Variants in ST6GALNAC3 observed in about 807,000 individuals in gnomAD.
The protein encoded by ST6GALNAC3 is ST6 N-acetylgalactosaminide alpha-2,6-sialyltransferase 3.
A neutral mutation model predicts 32.7 loss-of-function variants in ST6GALNAC3; 25 were observed. The observed-to-expected ratio is 0.76, with a 90% CI of 0.56 to 1.07. The LOEUF is 1.07. Ranked by LOEUF, ST6GALNAC3 falls within the 50% of genes least tolerant of loss-of-function variation. ST6GALNAC3 has a pLI of 0.00. For synonymous variants in ST6GALNAC3, 129 were observed against 133.1 expected (o/e 0.97, Z 0.21); for missense variants, 355 against 382.4 (o/e 0.93, Z 0.60).
intron 3 of ST6GALNAC3, among the ~76,000 whole-genome samples, chr1:76,561,790 CA>C (rs1156901093): frequency 6.6e-6 from 1 of 152,140 alleles, no homozygotes; most frequent in East Asian, 1.9e-4. Context: ...CACATCCACA[CA>C]AAAACTTTTA....
At chr1:76,163,200 C>T (rs919358902) in intron 1 of ST6GALNAC3, among the ~76,000 whole-genome samples, 1 of 152,162 alleles carries the variant, frequency 6.6e-6, no homozygotes, top group Non-Finnish European at 1.5e-5. Flanking sequence ...TATAGATCAA[C>T]ACTTAGTTAT....
intron 3 of ST6GALNAC3, among the ~76,000 whole-genome samples, chr1:76,551,275 GAT>G (rs1157346823): frequency 1.3e-5 from 2 of 152,130 alleles, no homozygotes; most frequent in Non-Finnish European, 2.9e-5. Flanking sequence ...TGACAAAGTT[GAT>G]TGAAAACACA....
chr1:76,497,119 C>G (rs764796632), intron 3 of ST6GALNAC3, among the ~76,000 whole-genome samples: 41 of 152,128 alleles, frequency 2.7e-4, no homozygotes, highest in Non-Finnish European at 4.7e-4. Flanking sequence ...ATTAATAACC[C>G]TAATTTGGAA....
At chr1:76,309,050 CG>C (rs1646699409) in intron 1 of ST6GALNAC3, among the ~76,000 whole-genome samples, 1 of 152,104 alleles carries the variant, frequency 6.6e-6, no homozygotes, top group African/African-American at 2.4e-5. Context: ...TTGGCGAGGC[CG>C]CCGCGGTCCT....
Position 76,311,838 on chromosome 1 carries a change from T to C in ST6GALNAC3, c.19-1967T>C, listed in dbSNP as rs182770350. ...GTCAAATGGTATTTCTGGTTCTAGA[T>C]TCCTGAGGAATCACCACACTGTCTT... On this transcript the variant is annotated intron_variant, in intron 1 of 4. Transcript: ENST00000328299. 2.5e-3 allele frequency among the ~76,000 whole-genome samples: 377 copies of C among 152,250 alleles called. 1 individual carries two copies. Among genetic ancestry groups the C allele is most frequent in the African/African-American group, 8.9e-3 (371 of 41,558 alleles).
At chr1:76,550,505 T>C (rs1664556593) in intron 3 of ST6GALNAC3, among the ~76,000 whole-genome samples, 1 of 152,170 alleles carries the variant, frequency 6.6e-6, no homozygotes, top group Non-Finnish European at 1.5e-5. Flanking sequence ...TGTTCTATTT[T>C]TTTCCCCATG....
intron 1 of ST6GALNAC3, among the ~76,000 whole-genome samples, chr1:76,263,073 C>T (rs573580257): frequency 1.3e-5 from 2 of 152,164 alleles, no homozygotes; most frequent in South Asian, 4.1e-4. Context: ...AATCTTATGA[C>T]TATAGAGAAT....
chr1:76,510,252 A>G (rs1661764284), intron 3 of ST6GALNAC3, among the ~76,000 whole-genome samples: 1 of 152,180 alleles, frequency 6.6e-6, no homozygotes, highest in South Asian at 2.1e-4. Context: ...ACAACTTTAA[A>G]ATGGGTCTTC....
chr1:76,366,609 T>C (rs1650393757), intron 2 of ST6GALNAC3, among the ~76,000 whole-genome samples: 1 of 152,174 alleles, frequency 6.6e-6, no homozygotes, highest in African/African-American at 2.4e-5. Flanking sequence ...AAACAGAAAG[T>C]TCACATTCAG....
intron 1 of ST6GALNAC3, among the ~76,000 whole-genome samples, chr1:76,254,237 C>T (rs187419680): frequency 6.6e-6 from 1 of 152,210 alleles, no homozygotes; most frequent in African/African-American, 2.4e-5. Context: ...CCAAGTGGAT[C>T]AGGGAAGAAT....
At chr1:76,367,779 C>G (rs1280018703) in intron 2 of ST6GALNAC3, among the ~76,000 whole-genome samples, 1 of 152,082 alleles carries the variant, frequency 6.6e-6, no homozygotes, top group Non-Finnish European at 1.5e-5. Context: ...AAGCTACCGT[C>G]TAGAAACAAA....
chr1:76,401,730 A>T (rs1054582429), intron 2 of ST6GALNAC3, among the ~76,000 whole-genome samples: 1 of 152,214 alleles, frequency 6.6e-6, no homozygotes, highest in South Asian at 2.1e-4. Flanking sequence ...TATCAGACAC[A>T]ACAAATTGAC....
chr1:76,237,806 A>G (rs1227361551), intron 1 of ST6GALNAC3, among the ~76,000 whole-genome samples: 1 of 152,190 alleles, frequency 6.6e-6, no homozygotes, highest in East Asian at 1.9e-4. Flanking sequence ...AACACCTATC[A>G]TGTGCAAAAA....
At chr1:76,120,966 C>CCTTGGCAAGTGG (rs1433294654) in intron 1 of ST6GALNAC3, among the ~76,000 whole-genome samples, 7 of 152,150 alleles carry the variant, frequency 4.6e-5, no homozygotes, top group Non-Finnish European at 8.8e-5. Flanking sequence ...TTCTGATATT[C>CCTTGGCAAGTGG]CTTGGCAAGT....
intron 3 of ST6GALNAC3, among the ~76,000 whole-genome samples, chr1:76,611,252 A>C (rs1267383825): frequency 6.6e-6 from 1 of 151,694 alleles, no homozygotes; most frequent in Non-Finnish European, 1.5e-5. Flanking sequence ...TATTATATTA[A>C]TATTCAAAAT....
At chr1:76,125,091 G>C (rs898882523) in intron 1 of ST6GALNAC3, among the ~76,000 whole-genome samples, 4 of 152,018 alleles carry the variant, frequency 2.6e-5, no homozygotes, top group Non-Finnish European at 5.9e-5. Context: ...GTAACTACTA[G>C]AAAATTTAAA....
Position 76,313,951 on chromosome 1 carries a change from G to A in ST6GALNAC3, c.165G>A (p.Arg55=), listed in dbSNP as rs1646818933. 1 of 1,613,338 alleles carries A rather than the reference G, an allele frequency of 6.2e-7. No homozygotes were observed. Among genetic ancestry groups the A allele is most frequent in the Non-Finnish European group, 8.5e-7 (1 of 1,179,564 alleles). ...GGATACCATTCTCCTACACATACAGGCGGCCCCTTCGAACTCACTATGGAT... is the reference window on the plus strand; with the variant it reads ...GGATACCATTCTCCTACACATACAGACGGCCCCTTCGAACTCACTATGGAT... ...TKWIPFSYTY[R]RPLRTHYGYI... Residue 55 remains arginine, a synonymous_variant, in exon 2 of 5, where the codon AGG becomes AGA. Coordinates refer to ENST00000328299, the MANE Select transcript of ST6GALNAC3 (RefSeq NM_152996.4).
intron 1 of ST6GALNAC3, among the ~76,000 whole-genome samples, chr1:76,088,767 G>A (rs758930056): frequency 4.6e-5 from 7 of 152,212 alleles, no homozygotes; most frequent in Non-Finnish European, 7.3e-5. Flanking sequence ...TTTGCTTATC[G>A]CTGTGTATCT....
At chr1:76,087,213 C>A (rs1274676395) in intron 1 of ST6GALNAC3, among the ~76,000 whole-genome samples, 2 of 152,104 alleles carry the variant, frequency 1.3e-5, no homozygotes, top group African/African-American at 4.8e-5. Context: ...TTTCTCTCAC[C>A]CATCTTTGAC....
Sources: allele counts gnomAD v4.1 joint callset (sites outside exome capture counted in the v4.1 genomes callset), GRCh38; gene constraint gnomAD v4.1.1; transcripts MANE v1.5; gene names NCBI Gene and HGNC (gene_info 2026-07-23, HGNC 2026-07-21).